The following JADE1 variants were observed in gnomAD, a reference collection of about 807,000 sequenced individuals.
JADE1 encodes jade family PHD finger 1.
In JADE1, 14 loss-of-function variants were observed where a neutral mutation model predicts 81.8. The ratio of observed to expected loss-of-function variants is 0.17; its 90% CI spans 0.11 to 0.27. JADE1 has a LOEUF of 0.27. Ranked by LOEUF, JADE1 falls within the 10% of genes least tolerant of loss-of-function variation. The pLI, the probability that JADE1 is intolerant of heterozygous loss-of-function variation, is 1.00. For missense variants in JADE1, 690 were observed against 1,047.9 expected (o/e 0.66, Z 4.71); for synonymous variants, 353 against 391.9 (o/e 0.90, Z 1.17).
At chr4:128,826,159 CTT>C (rs1160958430) in intron 1 of JADE1, among the ~76,000 whole-genome samples, 1 of 152,206 alleles carries the variant, frequency 6.6e-6, no homozygotes, top group Non-Finnish European at 1.5e-5. Context: ...AGCTGGATAA[CTT>C]TGCATCAGTT....
chr4:128,860,647 A>G (rs745490960), intron 8 of JADE1, among the ~76,000 whole-genome samples: 1 of 152,156 alleles, frequency 6.6e-6, no homozygotes, highest in Non-Finnish European at 1.5e-5. Context: ...CCTTCTAGGG[A>G]TTTGCTCAGC....
At position 128,872,342 on chromosome 4, in the gene JADE1, G is replaced by GA; in HGVS notation, c.*83dup. 2.5e-6 allele frequency: 3 copies of GA among 1,210,920 alleles called. No homozygotes were observed. Among genetic ancestry groups the GA allele is most frequent in the Non-Finnish European group, 3.5e-6 (3 of 852,324 alleles). The allele number at this position is 1,210,920 out of a possible 1,614,324, so 75.0% of individuals were successfully genotyped here. On this transcript the variant is annotated 3_prime_UTR_variant, in exon 11 of 11. Coordinates refer to ENST00000226319, the MANE Select transcript of JADE1 (RefSeq NM_199320.4). ...AGAGCTCTGATGTGGGGGAGAAGCA[G>GA]AAACCCATTAATCCTGAGCTACACA...
intron 1 of JADE1, among the ~76,000 whole-genome samples, chr4:128,815,130 A>T (rs1726893431): frequency 7.0e-6 from 1 of 143,000 alleles, no homozygotes; most frequent in Admixed American, 6.8e-5. Context: ...GCTCCCTGTA[A>T]GCTCCGCCTC....
Position 128,827,053 on chromosome 4 carries a change from C to G in JADE1, c.-26-4680C>G, listed in dbSNP as rs577791501. ...TCAAATTAGCCATAAACCCCTTATC[C>G]TTGATATTTCTGTTTAGTAGTCAGT... is the stretch of plus-strand genomic sequence containing the variant. On this transcript the variant is annotated intron_variant, in intron 1 of 10. Coordinates refer to ENST00000226319, the MANE Select transcript of JADE1 (RefSeq NM_199320.4). 7.4e-4 allele frequency among the ~76,000 whole-genome samples: 113 copies of G among 152,266 alleles called. No homozygotes were observed. The South Asian group carries it at 0.012, about 16-fold the overall frequency.
In JADE1 at chr4:128,873,623, A is replaced by G. The variant is rs1026088980; in HGVS notation, c.*1361A>G. On this transcript the variant is annotated 3_prime_UTR_variant, in exon 11 of 11. Transcript: ENST00000226319. ...TCCTGTTAATTTTCTTTGGAATTCA[A>G]TGTGGTTGTGAATCAAACTTAAGGA... is the stretch of plus-strand genomic sequence containing the variant. 2 of 152,466 alleles carry G rather than the reference A, an allele frequency of 1.3e-5. No individual in the cohort carries two copies. The highest frequency in any genetic ancestry group is 2.4e-5 in the African/African-American group (1 of 41,448). 9.4% of individuals were successfully genotyped at this position (152,466 alleles called of 1,614,324 possible).
intron 1 of JADE1, chr4:128,811,150 G>A (rs1199805189): frequency 6.6e-6 from 1 of 152,302 alleles, no homozygotes; most frequent in Non-Finnish European, 1.5e-5. Context: ...GGAGAGGGAT[G>A]GAATGTGGAA....
chr4:128,828,942 G>T (rs1411612040), intron 1 of JADE1, among the ~76,000 whole-genome samples: 1 of 152,162 alleles, frequency 6.6e-6, no homozygotes, highest in Admixed American at 6.5e-5. Flanking sequence ...ACCGCGACCA[G>T]CCTAGTACTA....
At chr4:128,814,044 GA>G (rs367892292) in intron 1 of JADE1, among the ~76,000 whole-genome samples, 1,896 of 140,450 alleles carry the variant, frequency 0.013, 37 homozygotes, top group East Asian at 0.071. Flanking sequence ...TCATTTAAAA[GA>G]AAAAAAAAAA....
intron 8 of JADE1, among the ~76,000 whole-genome samples, chr4:128,859,057 G>C (rs185968161): frequency 6.6e-6 from 1 of 152,280 alleles, no homozygotes; most frequent in East Asian, 1.9e-4. Flanking sequence ...TGAAATAGTG[G>C]AGATATTTTT....
intron 1 of JADE1, among the ~76,000 whole-genome samples, chr4:128,822,027 G>A (rs1172622939): frequency 6.6e-6 from 1 of 151,514 alleles, no homozygotes; most frequent in African/African-American, 2.4e-5. Context: ...TTTTTCTTCT[G>A]CACCTTTGCA....
intron 6 of JADE1, among the ~76,000 whole-genome samples, chr4:128,853,070 G>A (rs1467874157): frequency 6.6e-6 from 1 of 151,980 alleles, no homozygotes; most frequent in African/African-American, 2.4e-5. Flanking sequence ...TAGAGATGGG[G>A]TTTCACTATG....
In JADE1 at chr4:128,871,376, C is replaced by T. The variant is rs763944880; in HGVS notation, c.1643C>T (p.Ser548Phe). ...ATAGGTGTGCCTTCTTCCTGCTCCTCCTCCTCACTGGAAAACATGCTTTTG... is the reference window on the plus strand; with the variant it reads ...ATAGGTGTGCCTTCTTCCTGCTCCTTCTCCTCACTGGAAAACATGCTTTTG... ...RVSGVPSSCS[S>F]SSLENMLLFN... is the part of the protein sequence containing the mutation. The change falls in exon 11 of 11, where the codon TCC becomes TTC. Residue 548 changes from serine (S) to phenylalanine (F), a missense_variant. By Grantham distance (155) the Ser-to-Phe change is radical (BLOSUM62 -2). This residue lies in a region of JADE1 where 86 missense variants were observed against 95.4 expected (regional missense o/e 0.90). Transcript: ENST00000226319. This position sits in a 1 kb window ranked among gnomAD's most constrained non-coding sequence, Gnocchi z 4.1. 4 of 1,613,660 alleles carry T rather than the reference C, an allele frequency of 2.5e-6. No individual in the cohort carries two copies. The Admixed American group carries it at 6.7e-5, about 27-fold the overall frequency.
intron 5 of JADE1, among the ~76,000 whole-genome samples, chr4:128,851,127 C>A (rs1188114970): frequency 6.6e-6 from 1 of 152,136 alleles, no homozygotes; most frequent in African/African-American, 2.4e-5. Flanking sequence ...GACAGGATTT[C>A]GCCGTATTGG....
chr4:128,813,287 A>G lies in JADE1; in HGVS notation c.-27+3410A>G, dbSNP rs1726650756. Among the ~76,000 whole-genome samples the G allele has an allele frequency of 2.0e-5, 3 of 152,322 alleles. No individual in the cohort carries two copies. In the South Asian group the frequency reaches 6.2e-4, roughly 32 times the overall value. On this transcript the variant is annotated intron_variant, in intron 1 of 10. Coordinates refer to ENST00000226319, the MANE Select transcript of JADE1 (RefSeq NM_199320.4). ...TGTAATAATTTGTTGTAGGTGGGCA[A>G]CATACGTGGGGGGAGTTAAATGGGA...
At chr4:128,815,120 G>GCTCCCTGTAAGCTCTGC in intron 1 of JADE1, among the ~76,000 whole-genome samples, 2 of 112,496 alleles carry the variant, frequency 1.8e-5, no homozygotes, top group Non-Finnish European at 3.7e-5. Context: ...TGCGATCTCG[G>GCTCCCTGTAAGCTCTGC]CTCCCTGTAA....
rs556204103 is a variant in JADE1, at chr4:128,863,600, C to T, written c.1503+1375C>T. 52 of 985,414 alleles carry T rather than the reference C, an allele frequency of 5.3e-5. No homozygotes were observed. The South Asian group carries it at 1.5e-3, about 28-fold the overall frequency. The allele number at this position is 985,414 out of a possible 1,614,324, so 61.0% of individuals were successfully genotyped here. On this transcript the variant is annotated intron_variant, in intron 9 of 10. Transcript: ENST00000226319. Reference sequence around the variant, plus strand: ...CAGGTTAGGATTCCTGGGAAGGCCGCGGATTCCGGCCCTGGAAGAGGCAGG... The same window carrying T: ...CAGGTTAGGATTCCTGGGAAGGCCGTGGATTCCGGCCCTGGAAGAGGCAGG...
At chr4:128,817,106 A>C (rs1296133428) in intron 1 of JADE1, among the ~76,000 whole-genome samples, 1 of 151,966 alleles carries the variant, frequency 6.6e-6, no homozygotes, top group Non-Finnish European at 1.5e-5. Flanking sequence ...TGACCCACCT[A>C]CCTCGGCCTC....
At chr4:128,868,636 G>A (rs1035966740) in intron 10 of JADE1, among the ~76,000 whole-genome samples, 1 of 152,186 alleles carries the variant, frequency 6.6e-6, no homozygotes, top group Non-Finnish European at 1.5e-5. Flanking sequence ...CAAAGATCAA[G>A]TTGGGCAGGT....
intron 8 of JADE1, among the ~76,000 whole-genome samples, chr4:128,860,604 T>C (rs1256922939): frequency 1.3e-5 from 2 of 152,228 alleles, no homozygotes; most frequent in Non-Finnish European, 2.9e-5. Context: ...GTGCTGCTTT[T>C]CAGGGACTGG....
Sources: gnomAD v4.1 joint callset for allele counts (sites outside exome capture counted in the v4.1 genomes callset) on GRCh38, gnomAD v4.1.1 for gene constraint, gnomAD v4.1.1 regional missense constraint, Gnocchi (gnomAD v3.1) non-coding constraint, MANE v1.5 for transcripts, NCBI Gene and HGNC (gene_info 2026-07-23, HGNC 2026-07-21) for gene names.